Variants in ARSJ observed in about 807,000 individuals in gnomAD.
ARSJ encodes the protein arylsulfatase J.
ARSJ carries 26 observed loss-of-function variants against 35.9 expected under a neutral mutation model. The observed-to-expected ratio is 0.72, with a 90% CI of 0.53 to 1.00. The LOEUF is 1.00. Ranked by LOEUF, ARSJ falls within the 50% of genes least tolerant of loss-of-function variation. ARSJ has a pLI of 0.00. For synonymous variants in ARSJ, 294 were observed against 267.6 expected (o/e 1.10, Z -0.96); for missense variants, 667 against 723.6 (o/e 0.92, Z 0.90).
intron 1 of ARSJ, among the ~76,000 whole-genome samples, chr4:113,968,881 G>A (rs1322925296): frequency 6.6e-6 from 1 of 152,128 alleles, no homozygotes; most frequent in Non-Finnish European, 1.5e-5. Flanking sequence ...CATTTAGGAG[G>A]TTATTGAAAT....
At position 113,929,342 on chromosome 4, in the gene ARSJ, C is replaced by T. The variant is rs374972048; in HGVS notation, c.399-25667G>A. On this transcript the variant is annotated intron_variant, in intron 1 of 1. Coordinates refer to ENST00000315366, the MANE Select transcript of ARSJ (RefSeq NM_024590.4). The stretch of plus-strand genomic sequence containing the variant: ...GGAGAATCATTATCTTTCCTGGCAA[C>T]TGCCTCAGGGGAGGCCATCACTGTT... Among the ~76,000 whole-genome samples the T allele has an allele frequency of 2.0e-5, 3 of 152,234 alleles. No individual in the cohort carries two copies. The East Asian group carries it at 5.8e-4, about 30-fold the overall frequency.
At chr4:113,916,917 A>G (rs1299005510) in intron 1 of ARSJ, among the ~76,000 whole-genome samples, 1 of 152,168 alleles carries the variant, frequency 6.6e-6, no homozygotes, top group African/African-American at 2.4e-5. Flanking sequence ...AACAAGGAGG[A>G]TAGGTGCTGA....
chr4:113,916,616 C>T (rs1231285430), intron 1 of ARSJ, among the ~76,000 whole-genome samples: 5 of 152,080 alleles, frequency 3.3e-5, no homozygotes, highest in Admixed American at 6.6e-5. Context: ...GAAATCAGAA[C>T]GAAACCAAAG....
chr4:113,931,177 T>TA (rs199778741), intron 1 of ARSJ, among the ~76,000 whole-genome samples: 24 of 143,544 alleles, frequency 1.7e-4, no homozygotes, highest in African/African-American at 1.8e-4. Context: ...AAGTATAATT[T>TA]AAAAAAAAAT....
At chr4:113,968,520 A>T (rs1436479007) in intron 1 of ARSJ, among the ~76,000 whole-genome samples, 1 of 152,202 alleles carries the variant, frequency 6.6e-6, no homozygotes, top group Non-Finnish European at 1.5e-5. Flanking sequence ...GTCTAGAAAG[A>T]TGCAATGATG....
At chr4:113,912,184 T>C (rs1722955442) in intron 1 of ARSJ, among the ~76,000 whole-genome samples, 1 of 152,166 alleles carries the variant, frequency 6.6e-6, no homozygotes, top group Non-Finnish European at 1.5e-5. Context: ...GAGAAGGCCA[T>C]AGATGGAGCC....
intron 1 of ARSJ, among the ~76,000 whole-genome samples, chr4:113,971,692 TA>T (rs1353188721): frequency 6.6e-6 from 1 of 152,216 alleles, no homozygotes; most frequent in Non-Finnish European, 1.5e-5. Flanking sequence ...CTTCTAACAG[TA>T]AACATGTACA....
At chr4:113,912,050 G>A (rs751144526) in intron 1 of ARSJ, among the ~76,000 whole-genome samples, 6 of 152,160 alleles carry the variant, frequency 3.9e-5, no homozygotes, top group African/African-American at 1.2e-4. Context: ...ATGACAAATA[G>A]TGGAATGCAA....
intron 1 of ARSJ, among the ~76,000 whole-genome samples, chr4:113,977,396 G>T (rs888153842): frequency 6.6e-6 from 1 of 152,214 alleles, no homozygotes; most frequent in African/African-American, 2.4e-5. Flanking sequence ...GCGAGACAGA[G>T]ATTCTTACAA....
rs34905466 is a variant in ARSJ at position 113,939,195 on chromosome 4, AATG to A, written c.399-35523_399-35521del. Among the ~76,000 whole-genome samples, 881 of 149,858 alleles carry A rather than the reference AATG, an allele frequency of 5.9e-3. 2 individuals are homozygous for A. The highest frequency in any genetic ancestry group is 0.01 in the Non-Finnish European group (705 of 67,538). The stretch of plus-strand genomic sequence containing the variant: ...TTTGTCCTTGCGATAGTTTACTGAG[AATG>A]ATGATTTCCAATTTCATCCATGTCC... On this transcript the variant is annotated intron_variant, in intron 1 of 1. Transcript: ENST00000315366.
chr4:113,914,187 T>C (rs779382083), intron 1 of ARSJ, among the ~76,000 whole-genome samples: 9 of 152,114 alleles, frequency 5.9e-5, no homozygotes, highest in Non-Finnish European at 1.3e-4. Context: ...TTGGCCAGGC[T>C]GGTCTCGAAC....
chr4:113,965,262 T>C (rs1225473157), intron 1 of ARSJ, among the ~76,000 whole-genome samples: 5 of 152,142 alleles, frequency 3.3e-5, no homozygotes, highest in Non-Finnish European at 5.9e-5. Context: ...ATTTTGAATA[T>C]GAGTTTCTGG....
chr4:113,950,835 G>A (rs1467599368), intron 1 of ARSJ, among the ~76,000 whole-genome samples: 1 of 151,926 alleles, frequency 6.6e-6, no homozygotes, highest in Non-Finnish European at 1.5e-5. Context: ...ATTTTCTCTG[G>A]AGTTTGTTAT....
chr4:113,939,390 T>C (rs1045470204), intron 1 of ARSJ, among the ~76,000 whole-genome samples: 2 of 151,594 alleles, frequency 1.3e-5, no homozygotes, highest in South Asian at 2.1e-4. Flanking sequence ...TGTGTCTTTA[T>C]AGCAGCATGA....
intron 1 of ARSJ, among the ~76,000 whole-genome samples, chr4:113,949,556 T>C (rs1234238233): frequency 2.6e-5 from 4 of 152,192 alleles, no homozygotes; most frequent in South Asian, 4.1e-4. Flanking sequence ...CTGTACCCAG[T>C]GAACAAGGAC....
chr4:113,901,994 C>A lies in ARSJ; in HGVS notation c.*280G>T, dbSNP rs2099667224. On this transcript the variant is annotated 3_prime_UTR_variant, in exon 2 of 2. Transcript: ENST00000315366. Reference sequence around the variant, plus strand: ...AGTGTTTGGTCAGTTGACTGAAGCACAGCAGTGGAACTCAGGACTCACCAC... The same window carrying A: ...AGTGTTTGGTCAGTTGACTGAAGCAAAGCAGTGGAACTCAGGACTCACCAC... The A allele has an allele frequency of 1.4e-6, 1 of 737,070 alleles. No homozygotes were observed. Among genetic ancestry groups the A allele is most frequent in the Non-Finnish European group, 2.1e-6 (1 of 486,162 alleles). 45.7% of individuals were successfully genotyped at this position (737,070 alleles called of 1,614,324 possible).
chr4:113,903,863 T>C (rs1182358204), intron 1 of ARSJ, among the ~76,000 whole-genome samples, 188 bp from the exon 2 acceptor site: 1 of 152,258 alleles, frequency 6.6e-6, no homozygotes, highest in Non-Finnish European at 1.5e-5. Flanking sequence ...TAACTTCCTA[T>C]TTAACATTTG....
chr4:113,976,010 G>A (rs1287451663), intron 1 of ARSJ, among the ~76,000 whole-genome samples: 1 of 152,134 alleles, frequency 6.6e-6, no homozygotes, highest in African/African-American at 2.4e-5. Context: ...CAATGCAGGG[G>A]TCTGTACACA....
At chr4:113,953,125 A>G (rs1725963535) in intron 1 of ARSJ, among the ~76,000 whole-genome samples, 3 of 152,066 alleles carry the variant, frequency 2.0e-5, no homozygotes, top group Admixed American at 2.0e-4. Flanking sequence ...AAGTGGCAAA[A>G]CTGGGATCTC....
Sources: allele counts gnomAD v4.1 joint callset (sites outside exome capture counted in the v4.1 genomes callset), GRCh38; gene constraint gnomAD v4.1.1; transcripts MANE v1.5; gene names NCBI Gene and HGNC (gene_info 2026-07-23, HGNC 2026-07-21).